The following ADAMTS17 variants were observed in gnomAD, a reference collection of about 807,000 sequenced individuals.
ADAMTS17 encodes the protein ADAM metallopeptidase with thrombospondin type 1 motif 17.
Under a neutral mutation model 141.5 loss-of-function variants are expected in ADAMTS17, and 113 were observed. That is an observed-to-expected ratio of 0.80 (90% confidence interval 0.69 to 0.93). The LOEUF is 0.93. Among genes scored for constraint, ADAMTS17 ranks in the 40% least tolerant of loss-of-function variants. ADAMTS17 has a pLI of 0.00. For synonymous variants in ADAMTS17, 768 were observed against 630.6 expected (o/e 1.22, Z -3.27); for missense variants, 1,659 against 1,517.9 (o/e 1.09, Z -1.54).
chr15:100,140,986 CAG>C (rs2038617471), intron 10 of ADAMTS17, among the ~76,000 whole-genome samples: 1 of 152,184 alleles, frequency 6.6e-6, no homozygotes, highest in African/African-American at 2.4e-5. Context: ...CAGGCCAAAT[CAG>C]GGGTGGGGGT....
chr15:100,068,249 A>T (rs1358120632), intron 15 of ADAMTS17, among the ~76,000 whole-genome samples: 1 of 152,264 alleles, frequency 6.6e-6, no homozygotes, highest in Non-Finnish European at 1.5e-5. Flanking sequence ...AAACAAAGCC[A>T]CCGGGAAGCT....
At chr15:100,090,372 A>G (rs573581855) in intron 15 of ADAMTS17, among the ~76,000 whole-genome samples, 1 of 152,202 alleles carries the variant, frequency 6.6e-6, no homozygotes, top group Non-Finnish European at 1.5e-5. Context: ...AAACTTTTGC[A>G]ACTAACAAAC....
intron 4 of ADAMTS17, among the ~76,000 whole-genome samples, chr15:100,267,400 T>C (rs2043753829): frequency 6.6e-6 from 1 of 152,230 alleles, no homozygotes; most frequent in Non-Finnish European, 1.5e-5. Context: ...TGGCTGTTTT[T>C]GCCATCGTTC....
intron 7 of ADAMTS17, among the ~76,000 whole-genome samples, chr15:100,218,451 A>G (rs887086414): frequency 2.0e-5 from 3 of 152,242 alleles, no homozygotes; most frequent in African/African-American, 7.2e-5. Flanking sequence ...CCAAAGCAGA[A>G]ATATGTGTGG....
intron 8 of ADAMTS17, among the ~76,000 whole-genome samples, chr15:100,176,934 G>A (rs1273615163): frequency 6.6e-6 from 1 of 152,210 alleles, no homozygotes; most frequent in Non-Finnish European, 1.5e-5. Context: ...ACATTGCTGT[G>A]TGTGCCCATA....
intron 18 of ADAMTS17, among the ~76,000 whole-genome samples, chr15:100,046,987 A>C (rs2031741661): frequency 6.6e-6 from 1 of 152,176 alleles, no homozygotes; most frequent in African/African-American, 2.4e-5. Flanking sequence ...TTTCTAAAGC[A>C]AACGGGAGGA....
chr15:99,999,387 G>A (rs1210617009), intron 18 of ADAMTS17, among the ~76,000 whole-genome samples: 1 of 152,228 alleles, frequency 6.6e-6, no homozygotes, highest in Non-Finnish European at 1.5e-5. Context: ...ACAGCAGGAT[G>A]CAGGGAAGGC....
intron 3 of ADAMTS17, among the ~76,000 whole-genome samples, chr15:100,284,150 G>C (rs914106447): frequency 5.9e-5 from 9 of 152,066 alleles, no homozygotes; most frequent in African/African-American, 2.2e-4. Flanking sequence ...CCTGTACTGG[G>C]TATGTGTCTT....
intron 4 of ADAMTS17, among the ~76,000 whole-genome samples, chr15:100,270,468 A>G (rs1371860870): frequency 6.6e-6 from 1 of 152,178 alleles, no homozygotes; most frequent in African/African-American, 2.4e-5. Flanking sequence ...TGCTTAGAAT[A>G]CAAAAGGCTC....
At chr15:100,330,711 A>C (rs2141953237) in intron 3 of ADAMTS17, among the ~76,000 whole-genome samples, 178 bp downstream of exon 3, 1 of 152,306 alleles carries the variant, frequency 6.6e-6, no homozygotes, top group South Asian at 2.1e-4. Flanking sequence ...TTTTCAAAGG[A>C]CTGCCGACAC....
chr15:100,165,786 G>A (rs915319606), intron 8 of ADAMTS17, among the ~76,000 whole-genome samples: 8 of 152,198 alleles, frequency 5.3e-5, no homozygotes, highest in African/African-American at 1.7e-4. Context: ...AACAAAGCCA[G>A]TTCAGGTGAA....
rs11398544 is a variant in ADAMTS17 at position 100,131,366 on chromosome 15, G to GAAA, written c.1721+638_1721+640dup. Among the ~76,000 whole-genome samples, 29 of 127,760 alleles carry GAAA rather than the reference G, an allele frequency of 2.3e-4. No individual in the cohort carries two copies. The Middle Eastern group carries it at 0.011, about 50-fold the overall frequency. The allele number at this position is 127,760 out of a possible 152,430, so 83.8% of individuals were successfully genotyped here. A position where few individuals can be genotyped will look rare whatever the true frequency, so the allele number is the denominator to read the frequency against. Reference sequence around the variant, plus strand: ...ACATGTACCCCAGAACTTAAAGTATGAAAAAAAAAAAAAAAAGAAATGGGA... The same window carrying GAAA: ...ACATGTACCCCAGAACTTAAAGTATGAAAAAAAAAAAAAAAAAAAGAAATGGGA... On this transcript the variant is annotated intron_variant, in intron 12 of 21. Transcript: ENST00000268070.
chr15:100,033,918 C>T (rs1478841051), intron 18 of ADAMTS17, among the ~76,000 whole-genome samples: 1 of 152,246 alleles, frequency 6.6e-6, no homozygotes, highest in Admixed American at 6.5e-5. Flanking sequence ...CATTTCCACA[C>T]CACAGCCATG....
At chr15:100,141,947 C>T (rs2038676700) in intron 10 of ADAMTS17, among the ~76,000 whole-genome samples, 1 of 152,232 alleles carries the variant, frequency 6.6e-6, no homozygotes, top group African/African-American at 2.4e-5. Context: ...CAAGGCCAGG[C>T]TCCGGGACCC....
intron 3 of ADAMTS17, among the ~76,000 whole-genome samples, chr15:100,294,685 C>T (rs1480468705): frequency 3.3e-5 from 5 of 152,110 alleles, no homozygotes; most frequent in South Asian, 4.1e-4. Context: ...CCAGCATGGG[C>T]GACAGAGCAA....
chr15:100,032,916 G>GCAACAGTGAACTGGCC (rs1340798245), intron 18 of ADAMTS17, among the ~76,000 whole-genome samples: 2 of 152,160 alleles, frequency 1.3e-5, no homozygotes, highest in Non-Finnish European at 2.9e-5. Flanking sequence ...CTGCTGATGA[G>GCAACAGTGAACTGGCC]CAACAGTGAA....
At chr15:100,147,331 G>A (rs2038955830) in intron 10 of ADAMTS17, among the ~76,000 whole-genome samples, 1 of 152,132 alleles carries the variant, frequency 6.6e-6, no homozygotes, top group Admixed American at 6.5e-5. Context: ...ACTCAACAAT[G>A]GGAATACGTT....
At chr15:100,252,646 C>G (rs2043189437) in intron 7 of ADAMTS17, among the ~76,000 whole-genome samples, 1 of 152,156 alleles carries the variant, frequency 6.6e-6, no homozygotes, top group Non-Finnish European at 1.5e-5. Context: ...TCCATGGCCC[C>G]AACCTGACCT....
intron 3 of ADAMTS17, among the ~76,000 whole-genome samples, chr15:100,298,210 T>A (rs2044892773): frequency 6.6e-6 from 1 of 152,064 alleles, no homozygotes; most frequent in Non-Finnish European, 1.5e-5. Context: ...GAAGATTTCC[T>A]TGAAATGAGA....
Sources: allele counts gnomAD v4.1 joint callset (sites outside exome capture counted in the v4.1 genomes callset), GRCh38; gene constraint gnomAD v4.1.1; transcripts MANE v1.5; gene names NCBI Gene and HGNC (gene_info 2026-07-23, HGNC 2026-07-21).